KALRN: variants seen among roughly 807,000 people sequenced by gnomAD.
The protein encoded by KALRN is kalirin.
In KALRN, 70 loss-of-function variants were observed where a neutral mutation model predicts 353.7. That is an observed-to-expected ratio of 0.20 (90% CI 0.16 to 0.24). The LOEUF (loss-of-function observed/expected upper bound fraction) is 0.24. Among genes scored for constraint, KALRN ranks in the 10% least tolerant of loss-of-function variants. The probability of loss-of-function intolerance (pLI) is 1.00; values close to 1 mark genes in which losing one functional copy is unlikely to be tolerated. For missense variants in KALRN, 2,791 were observed against 3,756.7 expected (o/e 0.74, Z 6.72); for synonymous variants, 1,391 against 1,434.8 (o/e 0.97, Z 0.69).
chr3:124,513,861 A>G (rs1480959460), intron 33 of KALRN, among the ~76,000 whole-genome samples: 1 of 152,184 alleles, frequency 6.6e-6, no homozygotes, highest in Non-Finnish European at 1.5e-5. Flanking sequence ...CTTCCTGCTC[A>G]TCGCTGACCG....
In KALRN at chr3:124,530,783, T is replaced by G. The variant is rs543946666; in HGVS notation, c.4936-32060T>G. ...TATTTGTCTTAGTATGGCCCCATTATAACTCTCTCCCTTTCTTAACTTTAT... is the reference window on the plus strand; with the variant it reads ...TATTTGTCTTAGTATGGCCCCATTAGAACTCTCTCCCTTTCTTAACTTTAT... On this transcript the variant is annotated intron_variant, in intron 33 of 59. Coordinates refer to ENST00000682506, the MANE Select transcript of KALRN (RefSeq NM_001388419.1). Among the ~76,000 whole-genome samples the G allele has an allele frequency of 3.3e-5, 5 of 152,276 alleles. No individual in the cohort carries two copies. The East Asian group carries it at 9.7e-4, about 29-fold the overall frequency.
intron 57 of KALRN, among the ~76,000 whole-genome samples, chr3:124,706,406 C>G (rs1244852672): frequency 6.6e-6 from 1 of 152,206 alleles, no homozygotes; most frequent in Non-Finnish European, 1.5e-5. Flanking sequence ...AGGCAGAAAG[C>G]AGAGGGCTCT....
chr3:124,060,663 A>G (rs2041924135), intron 1 of KALRN, among the ~76,000 whole-genome samples: 1 of 152,218 alleles, frequency 6.6e-6, no homozygotes, highest in Non-Finnish European at 1.5e-5. Context: ...AGAGGAGGCA[A>G]CCTCCAAGGA....
chr3:124,662,002 C>T lies in KALRN; in HGVS notation c.6345+74C>T, dbSNP rs77102625. The T allele has an allele frequency of 2.0e-3, 2,415 of 1,202,550 alleles. 37 individuals are homozygous for T. In the African/African-American group the frequency reaches 0.031, roughly 16 times the overall value. The allele number at this position is 1,202,550 out of a possible 1,614,324, so 74.5% of individuals were successfully genotyped here. ...AGTCCAGACTGTTGCGGCTTCCTCC[C>T]CCTGAAGCCTTGTGTCCTGCCTGTG... On this transcript the variant is annotated intron_variant, in intron 45 of 59. Coordinates refer to ENST00000682506, the MANE Select transcript of KALRN (RefSeq NM_001388419.1).
chr3:124,561,057 G>A (rs1226723403), intron 33 of KALRN, among the ~76,000 whole-genome samples: 1 of 152,202 alleles, frequency 6.6e-6, no homozygotes, highest in Non-Finnish European at 1.5e-5. Context: ...TGAATTTCCT[G>A]ATGTATGAGA....
intron 1 of KALRN, among the ~76,000 whole-genome samples, chr3:124,130,259 G>A (rs2065127240): frequency 6.6e-6 from 1 of 152,164 alleles, no homozygotes; most frequent in South Asian, 2.1e-4. Flanking sequence ...AAGGAGGAGA[G>A]AGTGAAATCC....
At chr3:124,145,950 C>T (rs1238136200) in intron 1 of KALRN, among the ~76,000 whole-genome samples, 1 of 152,172 alleles carries the variant, frequency 6.6e-6, no homozygotes, top group South Asian at 2.1e-4. Flanking sequence ...TTCAAGGGTG[C>T]ACCATCAAGG....
chr3:124,715,913 C>T (rs2063114541), intron 58 of KALRN, among the ~76,000 whole-genome samples: 1 of 152,212 alleles, frequency 6.6e-6, no homozygotes, highest in African/African-American at 2.4e-5. Flanking sequence ...TTCATCATCT[C>T]ACTCCATCCT....
At chr3:124,136,162 G>A (rs548208602) in intron 1 of KALRN, among the ~76,000 whole-genome samples, 2 of 152,178 alleles carry the variant, frequency 1.3e-5, no homozygotes, top group South Asian at 4.2e-4. Context: ...TATTTTAATT[G>A]CAGCCAGGGC....
intron 47 of KALRN, among the ~76,000 whole-genome samples, chr3:124,668,863 A>G (rs1257527836): frequency 6.6e-6 from 1 of 152,196 alleles, no homozygotes; most frequent in Non-Finnish European, 1.5e-5. Flanking sequence ...ATATATAAAA[A>G]TATCTGTTTA....
intron 1 of KALRN, among the ~76,000 whole-genome samples, chr3:124,050,692 C>T (rs1224841435): frequency 6.6e-6 from 1 of 152,172 alleles, no homozygotes; most frequent in East Asian, 1.9e-4. Context: ...GGCTTTCCCT[C>T]TTTCCTTATG....
intron 53 of KALRN, 139 bp from the exon 54 acceptor site, chr3:124,695,995 G>A (rs182002157): frequency 5.3e-5 from 40 of 753,266 alleles, no homozygotes; most frequent in East Asian, 4.8e-4. Flanking sequence ...CAGGGTGGTA[G>A]GTAGCTCACA....
chr3:124,582,468 T>G (rs1454493411), intron 34 of KALRN, among the ~76,000 whole-genome samples: 1 of 152,096 alleles, frequency 6.6e-6, no homozygotes, highest in Non-Finnish European at 1.5e-5. Context: ...AACTAGAGGG[T>G]AGATTTTTGA....
chr3:124,483,597 C>T (rs1357388880), intron 28 of KALRN, among the ~76,000 whole-genome samples: 1 of 152,050 alleles, frequency 6.6e-6, no homozygotes, highest in African/African-American at 2.4e-5. Context: ...AGGTCAGAGT[C>T]CTAAGGGCAG....
chr3:124,540,086 T>A (rs2068884118), intron 33 of KALRN, among the ~76,000 whole-genome samples: 1 of 152,058 alleles, frequency 6.6e-6, no homozygotes, highest in African/African-American at 2.4e-5. Context: ...ATTTTTGTGT[T>A]AATTTTTGTA....
chr3:124,366,051 T>G (rs1319536257), intron 10 of KALRN, among the ~76,000 whole-genome samples: 1 of 152,318 alleles, frequency 6.6e-6, no homozygotes, highest in Non-Finnish European at 1.5e-5. Flanking sequence ...TTAGTGAGTT[T>G]TTTTTGCATA....
rs200361341 is a variant in KALRN, at chr3:124,269,238, G to A, written c.952G>A (p.Glu318Lys). ...LDQCFQLRLF[E>K]QDAEKMFDWI... Reference sequence around the variant, plus strand: ...CCAGTGCTTTCAGCTGCGGCTCTTCGAGCAGGATGCTGAGAAGGTAGGAAG... The same window carrying A: ...CCAGTGCTTTCAGCTGCGGCTCTTCAAGCAGGATGCTGAGAAGGTAGGAAG... The change falls in exon 5 of 60, where the codon GAG (glutamate) becomes AAG (lysine). Residue 318 changes from glutamate to lysine, a missense_variant. This residue lies in a region of KALRN where 366 missense variants were observed against 489.2 expected (regional missense o/e 0.75). Transcript: ENST00000682506. 4.4e-6 allele frequency: 7 copies of A among 1,598,254 alleles called. No homozygotes were observed. The highest frequency in any genetic ancestry group is 6.0e-6 in the Non-Finnish European group (7 of 1,168,250).
At chr3:124,471,923 C>T (rs9870644) in intron 25 of KALRN, among the ~76,000 whole-genome samples, 84 of 146,488 alleles carry the variant, frequency 5.7e-4, no homozygotes, top group African/African-American at 2.0e-3. Flanking sequence ...ACAGAGACTG[C>T]GCCACTGCAC....
intron 1 of KALRN, among the ~76,000 whole-genome samples, chr3:124,067,028 A>C (rs546672830): frequency 6.6e-6 from 1 of 152,228 alleles, no homozygotes; most frequent in African/African-American, 2.4e-5. Context: ...GCAGACTTCA[A>C]ATCCCCAAAT....
Sources: allele counts gnomAD v4.1 joint callset (sites outside exome capture counted in the v4.1 genomes callset), GRCh38; gene constraint gnomAD v4.1.1; regional missense constraint gnomAD v4.1.1; transcripts MANE v1.5; gene names NCBI Gene and HGNC (gene_info 2026-07-23, HGNC 2026-07-21).